Variants in LINGO2 observed in about 807,000 individuals in gnomAD.
The protein encoded by LINGO2 is leucine-rich repeat and immunoglobulin-like domain-containing nogo receptor-interacting protein 2.
Under a neutral mutation model 30.6 loss-of-function variants are expected in LINGO2, and 14 were observed. The ratio of observed to expected loss-of-function variants is 0.46; its 90% CI spans 0.30 to 0.72. The LOEUF (loss-of-function observed/expected upper bound fraction) is 0.72. Ranked by LOEUF, LINGO2 falls within the 30% of genes least tolerant of loss-of-function variation. LINGO2 has a pLI of 0.07. For missense variants in LINGO2, 729 were observed against 751.7 expected (o/e 0.97, Z 0.35); for synonymous variants, 317 against 288.5 (o/e 1.10, Z -1.00).
chr9:28,415,040 A>G (rs1341685008), intron 2 of LINGO2, among the ~76,000 whole-genome samples: 2 of 152,180 alleles, frequency 1.3e-5, no homozygotes, highest in African/African-American at 4.8e-5. Context: ...CATTAATTAT[A>G]CTGTTAAGTG....
chr9:28,820,788 C>T, the LINGO2 span, among the ~76,000 whole-genome samples: 1 of 152,110 alleles, frequency 6.6e-6, no homozygotes, highest in Non-Finnish European at 1.5e-5. Context: ...GGGGTTTTGG[C>T]TAATAGAGCT....
chr9:28,529,412 C>T (rs12551829), intron 1 of LINGO2, among the ~76,000 whole-genome samples: 28,626 of 151,858 alleles, frequency 0.19, 3,466 homozygotes, highest in Admixed American at 0.3. Flanking sequence ...GTTTTTCACA[C>T]GTTAATGACT....
exon 6 of LINGO2, chr9:27,950,360 G>A (rs1437369239): frequency 1.4e-5 from 23 of 1,614,180 alleles, no homozygotes; most frequent in African/African-American, 2.7e-5. Flanking sequence ...GCAGGTTAAA[G>A]AGATTGTTGA....
intron 1 of LINGO2, among the ~76,000 whole-genome samples, chr9:28,649,742 G>T (rs947986282): frequency 6.6e-6 from 1 of 152,002 alleles, no homozygotes; most frequent in Non-Finnish European, 1.5e-5. Context: ...GGTTGGGAAT[G>T]GGGGGAGGAG....
chr9:28,971,655 A>C, the LINGO2 span, among the ~76,000 whole-genome samples: 1 of 152,196 alleles, frequency 6.6e-6, no homozygotes, highest in African/African-American at 2.4e-5. Flanking sequence ...AGACTTCTAA[A>C]GTTTTTGACT....
chr9:28,616,904 C>T (rs1055795596), intron 1 of LINGO2, among the ~76,000 whole-genome samples: 2 of 152,192 alleles, frequency 1.3e-5, no homozygotes, highest in African/African-American at 4.8e-5. Context: ...ACTCTTTCAT[C>T]ACAACTATAA....
At chr9:29,101,142 T>C in the LINGO2 span, among the ~76,000 whole-genome samples, 1,044 of 152,328 alleles carry the variant, frequency 6.9e-3, no homozygotes, top group Non-Finnish European at 0.01. Context: ...GGTCATTTAA[T>C]TTATTAGGGG....
chr9:27,969,834 G>T (rs894165662), intron 5 of LINGO2, among the ~76,000 whole-genome samples: 2 of 151,988 alleles, frequency 1.3e-5, no homozygotes, highest in African/African-American at 2.4e-5. Context: ...CAGTTAGGTA[G>T]TGTGGCAGAA....
At chr9:28,767,506 C>T in the LINGO2 span, among the ~76,000 whole-genome samples, 1 of 152,016 alleles carries the variant, frequency 6.6e-6, no homozygotes, top group Non-Finnish European at 1.5e-5. Context: ...TATGCCTGGG[C>T]CAGGCACGGT....
intron 4 of LINGO2, among the ~76,000 whole-genome samples, chr9:28,272,495 T>C (rs1822977142): frequency 6.6e-6 from 1 of 151,920 alleles, no homozygotes; most frequent in South Asian, 2.1e-4. Context: ...GAATATCGCC[T>C]CCTGAAAGAT....
intron 5 of LINGO2, among the ~76,000 whole-genome samples, chr9:27,981,549 A>AG (rs1820863547): frequency 8.4e-6 from 1 of 119,284 alleles, no homozygotes; most frequent in African/African-American, 3.2e-5. Flanking sequence ...AAAAAAAAAA[A>AG]AGAAAAAAAA....
the LINGO2 span, among the ~76,000 whole-genome samples, chr9:28,834,348 A>G: frequency 2.8e-4 from 43 of 152,284 alleles, no homozygotes; most frequent in African/African-American, 9.6e-4. Flanking sequence ...CTCTGTTACT[A>G]TGGTAATTCT....
chr9:28,158,761 G>C, intron 4 of LINGO2, among the ~76,000 whole-genome samples: 1 of 152,106 alleles, frequency 6.6e-6, no homozygotes, highest in South Asian at 2.1e-4. Flanking sequence ...AGCTTCCAAG[G>C]ATACCCTAAG....
the LINGO2 span, among the ~76,000 whole-genome samples, chr9:29,069,030 G>A: frequency 6.6e-6 from 1 of 151,812 alleles, no homozygotes; most frequent in Non-Finnish European, 1.5e-5. Context: ...GCATTCAGTT[G>A]TTGAGTAGAC....
chr9:27,940,949 A>C, the LINGO2 span: 4 of 152,240 alleles, frequency 2.6e-5, no homozygotes, highest in African/African-American at 9.6e-5. Context: ...TCCTAATATT[A>C]ATTGGCGAGA....
rs370672624 is a variant in LINGO2, at chr9:28,315,781, G to A, written c.-245-20415C>T. ...TTCATTTATATACTCAAATTTTATCGTTTTCTAATTTCTATTTCATATATG... is the reference window on the plus strand; with the variant it reads ...TTCATTTATATACTCAAATTTTATCATTTTCTAATTTCTATTTCATATATG... On this transcript the variant is annotated intron_variant, in intron 3 of 5. Transcript: ENST00000379992. 7.2e-5 allele frequency among the ~76,000 whole-genome samples: 11 copies of A among 152,174 alleles called. No individual in the cohort carries two copies. The South Asian group carries it at 2.3e-3, about 32-fold the overall frequency.
chr9:28,983,520 G>C, the LINGO2 span, among the ~76,000 whole-genome samples: 1 of 151,836 alleles, frequency 6.6e-6, no homozygotes, highest in Non-Finnish European at 1.5e-5. Flanking sequence ...GGGCTATTTA[G>C]AGCATAGTCA....
At chr9:28,469,267 A>AAAAGAAAAAAAAAAAGAGT (rs1442521594) in intron 2 of LINGO2, among the ~76,000 whole-genome samples, 2 of 151,890 alleles carry the variant, frequency 1.3e-5, no homozygotes, top group Non-Finnish European at 2.9e-5. Flanking sequence ...CTGAAGAGTA[A>AAAAGAAAAAAAAAAAGAGT]AAAGAAAAAA....
chr9:28,494,552 C>A lies in LINGO2; in HGVS notation c.-364-18527G>T, dbSNP rs577570432. On this transcript the variant is annotated intron_variant, in intron 1 of 5. Transcript: ENST00000379992. ...TCCCTACAAAGGACATGAACTCATC[C>A]TTTTTTATGGCTGCATAATATTCCA... Among the ~76,000 whole-genome samples the A allele has an allele frequency of 4.6e-5, 7 of 152,118 alleles. No homozygotes were observed. The East Asian group carries it at 5.8e-4, about 13-fold the overall frequency.
Sources: allele counts gnomAD v4.1 joint callset (sites outside exome capture counted in the v4.1 genomes callset), GRCh38; gene constraint gnomAD v4.1.1; transcripts MANE v1.5; gene names NCBI Gene and HGNC (gene_info 2026-07-23, HGNC 2026-07-21).